MTFR1: variants seen among roughly 807,000 people sequenced by gnomAD.
MTFR1 encodes the protein mitochondrial fission regulator 1, also known as chondrocyte protein with a poly-proline region.
Under a neutral mutation model 38.8 loss-of-function variants are expected in MTFR1, and 28 were observed. The observed-to-expected ratio is 0.72, with a 90% CI of 0.53 to 0.99. MTFR1 has a LOEUF of 0.99. Among genes scored for constraint, MTFR1 ranks in the 50% least tolerant of loss-of-function variants. The pLI, the probability that MTFR1 is intolerant of heterozygous loss-of-function variation, is 0.00. For synonymous variants in MTFR1, 145 were observed against 137.0 expected (o/e 1.06, Z -0.41); for missense variants, 358 against 395.5 (o/e 0.91, Z 0.81).
At chr8:65,692,582 C>T (rs911124200) in intron 3 of MTFR1, among the ~76,000 whole-genome samples, 1 of 151,750 alleles carries the variant, frequency 6.6e-6, no homozygotes, top group Non-Finnish European at 1.5e-5. Context: ...TCAAGTGATC[C>T]GCCTGCCTTG....
chr8:65,678,076 T>G (rs1804768808), intron 2 of MTFR1, among the ~76,000 whole-genome samples: 1 of 151,940 alleles, frequency 6.6e-6, no homozygotes, highest in African/African-American at 2.4e-5. Context: ...CTGCCTTCTC[T>G]CTTTCATCTA....
At chr8:65,731,289 C>A (rs1459997139) in intron 3 of MTFR1, among the ~76,000 whole-genome samples, 1 of 152,118 alleles carries the variant, frequency 6.6e-6, no homozygotes, top group South Asian at 2.1e-4. Flanking sequence ...TTGCTGACAT[C>A]AAAGGGAAGG....
intron 4 of MTFR1, among the ~76,000 whole-genome samples, chr8:65,696,940 T>C (rs897853091): frequency 4.1e-5 from 6 of 147,336 alleles, no homozygotes; most frequent in Non-Finnish European, 9.0e-5. Flanking sequence ...GGATTACAAG[T>C]GTGAGCCACC....
chr8:65,696,435 C>A (rs1352415787), intron 4 of MTFR1, among the ~76,000 whole-genome samples: 2 of 152,240 alleles, frequency 1.3e-5, no homozygotes, highest in Non-Finnish European at 2.9e-5. Context: ...TAACATCCTG[C>A]AAAACTATAG....
intron 1 of MTFR1, 54 bp from the exon 2 acceptor site, chr8:65,669,819 A>G (rs920983432): frequency 1.3e-6 from 1 of 778,696 alleles, no homozygotes; most frequent in Admixed American, 2.7e-5. Context: ...TGTAGACAGT[A>G]CAAATTCTAA....
rs1043101308 is a variant in MTFR1, at chr8:65,709,770, G to A, written c.*726G>A. 1 of 152,638 alleles carries A rather than the reference G, an allele frequency of 6.6e-6. No individual in the cohort carries two copies. The highest frequency in any genetic ancestry group is 1.5e-5 in the Non-Finnish European group (1 of 68,020). The allele number at this position is 152,638 out of a possible 1,614,324, so 9.5% of individuals were successfully genotyped here. A position where few individuals can be genotyped will look rare whatever the true frequency, so the allele number is the denominator to read the frequency against. On this transcript the variant is annotated 3_prime_UTR_variant, in exon 8 of 8. Coordinates refer to ENST00000262146, the MANE Select transcript of MTFR1 (RefSeq NM_014637.4). ...AAAGATGTAGTTTTCCAGTAGTGATGAATCAAATTATTGAATTAAATTTCT... is the reference window on the plus strand; with the variant it reads ...AAAGATGTAGTTTTCCAGTAGTGATAAATCAAATTATTGAATTAAATTTCT...
At chr8:65,656,081 A>G (rs1160622046) in intron 1 of MTFR1, among the ~76,000 whole-genome samples, 1 of 142,340 alleles carries the variant, frequency 7.0e-6, no homozygotes, top group East Asian at 2.0e-4. Flanking sequence ...CTGCAATCCC[A>G]GCTACTCAGG....
chr8:65,677,362 G>A (rs1019923926), intron 2 of MTFR1, among the ~76,000 whole-genome samples: 76 of 148,420 alleles, frequency 5.1e-4, no homozygotes, highest in African/African-American at 1.9e-3. Context: ...GAACCACTGC[G>A]CCTGGCCCTG....
At chr8:65,737,921 T>G (rs867753685) in intron 3 of MTFR1, among the ~76,000 whole-genome samples, 1 of 152,358 alleles carries the variant, frequency 6.6e-6, no homozygotes, top group Middle Eastern at 3.4e-3. Flanking sequence ...CTGAATAATT[T>G]GTAATTTCTC....
intron 3 of MTFR1, among the ~76,000 whole-genome samples, chr8:65,752,841 A>G (rs1442689252): frequency 6.6e-6 from 1 of 152,040 alleles, no homozygotes; most frequent in Non-Finnish European, 1.5e-5. Context: ...CTTTTTAACT[A>G]TTTGTTTGCT....
intron 3 of MTFR1, among the ~76,000 whole-genome samples, chr8:65,769,528 C>A (rs961843078): frequency 1.3e-5 from 2 of 152,208 alleles, no homozygotes; most frequent in African/African-American, 4.8e-5. Flanking sequence ...TTCAAAATGT[C>A]TTCCCAAAGC....
At chr8:65,764,478 G>A (rs1808667832) in intron 3 of MTFR1, among the ~76,000 whole-genome samples, 1 of 152,196 alleles carries the variant, frequency 6.6e-6, no homozygotes. Flanking sequence ...GGAAACTAAT[G>A]ACCATGCAGT....
downstream of MTFR1, among the ~76,000 whole-genome samples, chr8:65,774,256 G>A (rs1266118864): frequency 6.6e-6 from 1 of 151,944 alleles, no homozygotes; most frequent in African/African-American, 2.4e-5. Flanking sequence ...TCGTGCTGTT[G>A]GAAATCCTCA....
At chr8:65,649,055 C>T (rs982231650) in intron 1 of MTFR1, among the ~76,000 whole-genome samples, 1 of 145,338 alleles carries the variant, frequency 6.9e-6, no homozygotes, top group Non-Finnish European at 1.6e-5. Context: ...CAATAAGAAA[C>T]AATACAAATA....
intron 1 of MTFR1, among the ~76,000 whole-genome samples, chr8:65,654,171 G>A (rs905295468): frequency 3.3e-5 from 5 of 152,010 alleles, no homozygotes; most frequent in African/African-American, 1.2e-4. Flanking sequence ...TAATAAAAGT[G>A]GAGGGTCTCA....
chr8:65,694,685 A>AT (rs1279832034), intron 4 of MTFR1, among the ~76,000 whole-genome samples: 1 of 152,182 alleles, frequency 6.6e-6, no homozygotes, highest in Admixed American at 6.5e-5. Flanking sequence ...TCAAAAGGAG[A>AT]TTAAGAAGGA....
intron 3 of MTFR1, among the ~76,000 whole-genome samples, chr8:65,733,035 A>C (rs1273446459): frequency 6.6e-6 from 1 of 152,162 alleles, no homozygotes; most frequent in Non-Finnish European, 1.5e-5. Flanking sequence ...TAAAATGTTC[A>C]CTATGATAAG....
chr8:65,744,737 T>C (rs1807595462), intron 3 of MTFR1, among the ~76,000 whole-genome samples: 1 of 152,186 alleles, frequency 6.6e-6, no homozygotes, highest in South Asian at 2.1e-4. Flanking sequence ...AAACATGAGA[T>C]AATAATGTTT....
At chr8:65,687,649 T>C (rs546305412) in intron 3 of MTFR1, among the ~76,000 whole-genome samples, 1 of 150,700 alleles carries the variant, frequency 6.6e-6, no homozygotes, top group African/African-American at 2.4e-5. Flanking sequence ...CCAGCCAGAA[T>C]ACATTTTTAA....
Sources: gnomAD v4.1 joint callset for allele counts (sites outside exome capture counted in the v4.1 genomes callset) on GRCh38, gnomAD v4.1.1 for gene constraint, MANE v1.5 for transcripts, NCBI Gene and HGNC (gene_info 2026-07-23, HGNC 2026-07-21) for gene names.